The following RIT2 variants were observed in gnomAD, a reference collection of about 807,000 sequenced individuals.
The protein encoded by RIT2 is Ras like without CAAX 2.
RIT2 carries 24 observed loss-of-function variants against 23.7 expected under a neutral mutation model. That is an observed-to-expected ratio of 1.01 (90% CI 0.73 to 1.43). RIT2 has a LOEUF of 1.43. Ranked by LOEUF, RIT2 falls within the 40% of genes most tolerant of loss-of-function variation. RIT2 has a pLI of 0.00. For synonymous variants in RIT2, 107 were observed against 91.1 expected, an observed-to-expected ratio of 1.17 and a Z score of -0.99; for missense variants, 236 against 266.9, an observed-to-expected ratio of 0.88 and a Z score of 0.81.
intron 1 of RIT2, among the ~76,000 whole-genome samples, chr18:43,062,940 G>C (rs910872860): frequency 6.6e-6 from 1 of 152,044 alleles, no homozygotes; most frequent in Non-Finnish European, 1.5e-5. Flanking sequence ...TTATTAATAA[G>C]AATTAGAAAA....
chr18:43,080,072 C>G (rs1021599673), intron 1 of RIT2, among the ~76,000 whole-genome samples: 3 of 152,174 alleles, frequency 2.0e-5, no homozygotes, highest in African/African-American at 7.2e-5. Context: ...TCAGTATTCT[C>G]CACACTCAGT....
chr18:43,054,249 G>C (rs1461197743), intron 1 of RIT2, among the ~76,000 whole-genome samples: 1 of 152,110 alleles, frequency 6.6e-6, no homozygotes, highest in African/African-American at 2.4e-5. Flanking sequence ...CCTGAAGGTA[G>C]ACAGGATTAT....
At chr18:42,927,506 C>G (rs906977536) in intron 3 of RIT2, among the ~76,000 whole-genome samples, 2 of 151,816 alleles carry the variant, frequency 1.3e-5, no homozygotes, top group African/African-American at 4.8e-5. Flanking sequence ...AAAGAAATCA[C>G]TTTAAAAGGA....
intron 3 of RIT2, among the ~76,000 whole-genome samples, chr18:42,940,065 T>A (rs1248215239): frequency 6.6e-6 from 1 of 151,634 alleles, no homozygotes; most frequent in African/African-American, 2.4e-5. Flanking sequence ...CAAAGCCGAA[T>A]AACAATAGTC....
chr18:42,748,923 G>T (rs1912981217), intron 4 of RIT2, among the ~76,000 whole-genome samples: 1 of 151,826 alleles, frequency 6.6e-6, no homozygotes, highest in Non-Finnish European at 1.5e-5. Flanking sequence ...AATAAGTAAA[G>T]AAATAAAGAA....
intron 4 of RIT2, among the ~76,000 whole-genome samples, chr18:42,921,723 C>G (rs1053781340): frequency 6.6e-6 from 1 of 152,084 alleles, no homozygotes. Flanking sequence ...GCTTTCCTAA[C>G]TGAAACCCTG....
At chr18:42,971,321 T>A (rs1427799321) in intron 3 of RIT2, among the ~76,000 whole-genome samples, 2 of 152,036 alleles carry the variant, frequency 1.3e-5, no homozygotes, top group African/African-American at 4.8e-5. Context: ...CTGTTTAGCC[T>A]GATGTACTCC....
chr18:42,931,138 G>A (rs1909315678), intron 3 of RIT2, among the ~76,000 whole-genome samples: 1 of 152,072 alleles, frequency 6.6e-6, no homozygotes. Context: ...ACTAGGGACA[G>A]TGCCTGGATC....
intron 2 of RIT2, among the ~76,000 whole-genome samples, chr18:42,998,379 C>T (rs1185665163): frequency 6.6e-6 from 1 of 152,044 alleles, no homozygotes; most frequent in African/African-American, 2.4e-5. Flanking sequence ...CTTGCTTACT[C>T]CCATTTTAGT....
At chr18:42,852,310 G>A (rs890265727) in intron 4 of RIT2, among the ~76,000 whole-genome samples, 1 of 152,030 alleles carries the variant, frequency 6.6e-6, no homozygotes, top group African/African-American at 2.4e-5. Flanking sequence ...GGAAAGGCCA[G>A]TTTTGAAACA....
At chr18:42,937,572 A>C (rs1421167921) in intron 3 of RIT2, among the ~76,000 whole-genome samples, 1 of 152,170 alleles carries the variant, frequency 6.6e-6, no homozygotes, top group African/African-American at 2.4e-5. Context: ...AAAGAAAGAA[A>C]AAAGGAGATG....
chr18:42,761,228 C>T (rs1913294540), intron 4 of RIT2, among the ~76,000 whole-genome samples: 1 of 152,076 alleles, frequency 6.6e-6, no homozygotes, highest in Non-Finnish European at 1.5e-5. Flanking sequence ...TCTCCTTGGA[C>T]TTGTCTTTTT....
At chr18:42,938,219 C>A (rs552907002) in intron 3 of RIT2, among the ~76,000 whole-genome samples, 2 of 152,008 alleles carry the variant, frequency 1.3e-5, no homozygotes, top group Non-Finnish European at 2.9e-5. Context: ...TTGAGTGTGG[C>A]CAAGGGGATA....
At chr18:42,998,761 G>T (rs1346465731) in intron 2 of RIT2, among the ~76,000 whole-genome samples, 2 of 152,082 alleles carry the variant, frequency 1.3e-5, no homozygotes, top group African/African-American at 2.4e-5. Flanking sequence ...GTGTGCTAAA[G>T]CTTAGAAGGC....
chr18:42,899,051 T>C (rs547770524), intron 4 of RIT2, among the ~76,000 whole-genome samples: 2 of 152,106 alleles, frequency 1.3e-5, no homozygotes, highest in South Asian at 2.1e-4. Flanking sequence ...TTGTTAAAAG[T>C]TATTTTGCGA....
intron 4 of RIT2, among the ~76,000 whole-genome samples, chr18:42,848,848 G>T (rs1949432429): frequency 6.6e-6 from 1 of 151,968 alleles, no homozygotes; most frequent in Admixed American, 6.6e-5. Flanking sequence ...GCAATGTTTT[G>T]GTGCTTGAAA....
chr18:43,102,794 C>G (rs559506488), intron 1 of RIT2, among the ~76,000 whole-genome samples: 1 of 152,084 alleles, frequency 6.6e-6, no homozygotes, highest in African/African-American at 2.4e-5. Flanking sequence ...GCTGGGACTA[C>G]AGGAGTGCAC....
At chr18:42,876,348 C>CT (rs200902270) in intron 4 of RIT2, among the ~76,000 whole-genome samples, 10,085 of 139,698 alleles carry the variant, frequency 0.072, 418 homozygotes, top group African/African-American at 0.12. Context: ...GTGCCTGAAA[C>CT]TTTTTTTTTT....
intron 4 of RIT2, 114 bp downstream of exon 4, chr18:42,923,458 T>C: frequency 1.0e-5 from 9 of 863,180 alleles, no homozygotes; most frequent in South Asian, 1.6e-5. Context: ...AGAAAAATCA[T>C]GTGCATAATT....
Sources: gnomAD v4.1 joint callset for allele counts (sites outside exome capture counted in the v4.1 genomes callset) on GRCh38, gnomAD v4.1.1 for gene constraint, MANE v1.5 for transcripts, NCBI Gene and HGNC (gene_info 2026-07-23, HGNC 2026-07-21) for gene names.